The following PLK4 variants were observed in gnomAD, a reference collection of about 807,000 sequenced individuals.
PLK4 encodes the protein serine/threonine-protein kinase PLK4.
A neutral mutation model predicts 103.0 loss-of-function variants in PLK4; 51 were observed. The ratio of observed to expected loss-of-function variants is 0.50; its 90% CI spans 0.40 to 0.63. PLK4 has a LOEUF of 0.63. Among genes scored for constraint, PLK4 ranks in the 20% least tolerant of loss-of-function variants. PLK4 has a pLI of 0.00. For missense variants in PLK4, 1,054 were observed against 1,151.0 expected, an observed-to-expected ratio of 0.92 and a Z score of 1.22; for synonymous variants, 389 against 376.8, an observed-to-expected ratio of 1.03 and a Z score of -0.38.
intron 1 of PLK4, chr4:127,881,489 G>C: frequency 1.0e-6 from 1 of 978,562 alleles, no homozygotes; most frequent in Non-Finnish European, 1.4e-6. Flanking sequence ...AGGGGATGGC[G>C]GTTATCTCCG....
At chr4:127,891,029 A>G (rs1010664266) in intron 7 of PLK4, 63 bp from the exon 8 acceptor site, 3 of 855,514 alleles carry the variant, frequency 3.5e-6, no homozygotes, top group Non-Finnish European at 5.6e-6. Context: ...AGTATTATGT[A>G]TGTCAGAGCT....
chr4:127,881,227 G>A, intron 1 of PLK4, 63 bp downstream of exon 1: 1 of 1,610,810 alleles, frequency 6.2e-7, no homozygotes, highest in Non-Finnish European at 8.5e-7. Context: ...ACACGAGACC[G>A]CTGTGGGAAG....
Position 127,881,240 on chromosome 4 carries a change from G to C in PLK4, c.30+76G>C, listed in dbSNP as rs369972797. 1,519 of 1,607,618 alleles carry C rather than the reference G, an allele frequency of 9.4e-4. 22 individuals carry two copies. In the East Asian group the frequency reaches 0.03, roughly 31 times the overall value. ...GGACACGAGACCGCTGTGGGAAGGGGAGCGAACGAAGCTAACGGCTGCGGG... is the reference window on the plus strand; with the variant it reads ...GGACACGAGACCGCTGTGGGAAGGGCAGCGAACGAAGCTAACGGCTGCGGG... On this transcript the variant is annotated intron_variant, in intron 1 of 15. Coordinates refer to ENST00000270861, the MANE Select transcript of PLK4 (RefSeq NM_014264.5).
At chr4:127,881,678 T>G (rs1734934186) in intron 1 of PLK4, among the ~76,000 whole-genome samples, 153 bp from the exon 2 acceptor site, 1 of 152,154 alleles carries the variant, frequency 6.6e-6, no homozygotes, top group Non-Finnish European at 1.5e-5. Context: ...CAACATGCCT[T>G]CCACCCTAGA....
At chr4:127,885,485 A>G (rs1305793712) in intron 4 of PLK4, among the ~76,000 whole-genome samples, 2 of 151,666 alleles carry the variant, frequency 1.3e-5, no homozygotes, top group African/African-American at 4.8e-5. Context: ...TCTCAAAAAA[A>G]AAAAAAAAAA....
chr4:127,892,555 G>A (rs368769564), intron 10 of PLK4, 41 bp downstream of exon 10: 3 of 1,521,050 alleles, frequency 2.0e-6, no homozygotes, highest in Non-Finnish European at 2.7e-6. Flanking sequence ...CCTTTAGTTT[G>A]TAATTTAGTA....
rs146283398 is a variant in PLK4 at position 127,898,778 on chromosome 4, G to A, written c.*237G>A. ...ACTTTGCTCTTAGACCATAACCCCC[G>A]AACTTACTATGTTCATATATTTGTA... On this transcript the variant is annotated 3_prime_UTR_variant, in exon 16 of 16. Transcript: ENST00000270861. The A allele has an allele frequency of 1.4e-5, 5 of 348,380 alleles. No homozygotes were observed. Among genetic ancestry groups the A allele is most frequent in the African/African-American group, 6.4e-5 (3 of 47,204 alleles). 21.6% of individuals were successfully genotyped at this position (348,380 alleles called of 1,614,324 possible). A position where few individuals can be genotyped will look rare whatever the true frequency, so the allele number is the denominator to read the frequency against.
chr4:127,886,493 A>C lies in PLK4; in HGVS notation c.1123A>C (p.Arg375=). The part of the protein sequence containing the change: ...EERPHSRYLR[R]AYSSDRSGTS... ...AAGGCCACATTCTCGATACCTTCGT[A>C]GAGCTTATTCCTCTGATAGATCTGG... Residue 375 remains arginine (R), a synonymous_variant, in exon 5 of 16, where the codon AGA becomes CGA. Transcript: ENST00000270861. 6.2e-7 allele frequency: 1 copy of C among 1,613,964 alleles called. No individual in the cohort carries two copies. The highest frequency in any genetic ancestry group is 8.5e-7 in the Non-Finnish European group (1 of 1,179,818).
chr4:127,892,184 G>C (rs1286640641), intron 9 of PLK4, 181 bp from the exon 10 acceptor site: 2 of 400,116 alleles, frequency 5.0e-6, no homozygotes, highest in South Asian at 6.1e-5. Flanking sequence ...TCCCAGTTTG[G>C]TTTCTGGATA....
In PLK4 at chr4:127,888,674, G is replaced by T. The variant is rs951098919; in HGVS notation, c.1459+1178G>T. Among the ~76,000 whole-genome samples the T allele has an allele frequency of 2.0e-5, 3 of 152,144 alleles. No homozygotes were observed. In the East Asian group the frequency reaches 5.8e-4, roughly 29 times the overall value. ...GTTGTTTATAATACAGAGTTTGAAG[G>T]TTAAACATTCCTCATTAATGAACAT... On this transcript the variant is annotated intron_variant, in intron 6 of 15. Transcript: ENST00000270861.
chr4:127,893,299 A>C lies in PLK4; in HGVS notation c.2203A>C (p.Lys735Gln). The change falls in exon 11 of 16, where the codon AAA becomes CAA. Residue 735 changes from lysine to glutamine, a missense_variant. Around this residue, in one of 4 missense-constraint regions of PLK4, gnomAD observed 680 missense variants for 660.3 expected, o/e 1.03. Transcript: ENST00000270861. ...VWFYDGVKIH[K>Q]TEDFIQVIEK... is the part of the protein sequence containing the mutation. ...TTTTTTTTTAGGGGTAAAAATACAC[A>C]AAACAGAAGATTTCATTCAGGTGAT... is the stretch of plus-strand genomic sequence containing the variant. 2 of 1,576,632 alleles carry C rather than the reference A, an allele frequency of 1.3e-6. No individual in the cohort carries two copies. The highest frequency in any genetic ancestry group is 1.7e-6 in the Non-Finnish European group (2 of 1,161,988).
At chr4:127,891,470 A>G (rs1735356353) in intron 8 of PLK4, 109 bp from the exon 9 acceptor site, 1 of 466,644 alleles carries the variant, frequency 2.1e-6, no homozygotes. Context: ...ACATTTTTCT[A>G]TAAAATAATA....
At chr4:127,888,844 AGTT>A (rs1735243646) in intron 6 of PLK4, among the ~76,000 whole-genome samples, 3 of 152,166 alleles carry the variant, frequency 2.0e-5, no homozygotes, top group Non-Finnish European at 2.9e-5. Context: ...TTAATCAGAG[AGTT>A]GTATGTTATC....
At position 127,894,989 on chromosome 4, in the gene PLK4, G is replaced by C. The variant is rs759788230; in HGVS notation, c.2599G>C (p.Ala867Pro). 1.4e-5 allele frequency: 23 copies of C among 1,605,742 alleles called. No individual in the cohort carries two copies. The highest frequency in any genetic ancestry group is 1.9e-5 in the Non-Finnish European group (22 of 1,173,810). ...TNEGLGLTTTASGTDISSNSL... is the reference protein window; with the variant it reads ...TNEGLGLTTTPSGTDISSNSL... Reference sequence around the variant, plus strand: ...TGAAGGACTTGGTCTTACAACTACAGCTTCTGGAACAGACATCTCTTCTAA... The same window carrying C: ...TGAAGGACTTGGTCTTACAACTACACCTTCTGGAACAGACATCTCTTCTAA... The change falls in exon 14 of 16, where the codon GCT (alanine) becomes CCT (proline). Residue 867 changes from alanine (A) to proline (P), a missense_variant. Around this residue, in one of 4 missense-constraint regions of PLK4, gnomAD observed 167 missense variants for 200.7 expected, o/e 0.83. Transcript: ENST00000270861.
chr4:127,884,703 C>T (rs1735052501), intron 4 of PLK4, among the ~76,000 whole-genome samples: 1 of 152,112 alleles, frequency 6.6e-6, no homozygotes, highest in African/African-American at 2.4e-5. Context: ...ACTTGGGAGG[C>T]TGAGGTGGAT....
intron 7 of PLK4, chr4:127,890,866 A>G (rs1436598213): frequency 3.0e-6 from 1 of 333,314 alleles, no homozygotes; most frequent in Non-Finnish European, 5.4e-6. Context: ...CTTTCTGCTC[A>G]TTGATTATCA....
In PLK4 at chr4:127,880,912, C is replaced by A; in HGVS notation, c.-223C>A. 1 of 581,128 alleles carries A rather than the reference C, an allele frequency of 1.7e-6. No individual in the cohort carries two copies. The highest frequency in any genetic ancestry group is 3.1e-6 in the Non-Finnish European group (1 of 325,922). The allele number at this position is 581,128 out of a possible 1,614,324, so 36.0% of individuals were successfully genotyped here. ...TACGTCACCACCAGCCTAGCTCGGA[C>A]GGCAAGCGGCGGGAGATTTTCAAAA... On this transcript the variant is annotated 5_prime_UTR_variant, in exon 1 of 16. Coordinates refer to ENST00000270861, the MANE Select transcript of PLK4 (RefSeq NM_014264.5).
chr4:127,892,635 A>G (rs1735405257), intron 10 of PLK4, 121 bp downstream of exon 10: 4 of 695,002 alleles, frequency 5.8e-6, no homozygotes, highest in Non-Finnish European at 9.6e-6. Context: ...ATAACTATAC[A>G]TATAAATTGC....
chr4:127,894,906 A>G (rs1425618900), intron 13 of PLK4, 47 bp from the exon 14 acceptor site: 3 of 1,305,722 alleles, frequency 2.3e-6, no homozygotes, highest in South Asian at 1.8e-5. Context: ...AATGTGGCTT[A>G]TAAAAATGCT....
Sources: gnomAD v4.1 joint callset for allele counts (sites outside exome capture counted in the v4.1 genomes callset) on GRCh38, gnomAD v4.1.1 for gene constraint, gnomAD v4.1.1 regional missense constraint, MANE v1.5 for transcripts, NCBI Gene and HGNC (gene_info 2026-07-23, HGNC 2026-07-21) for gene names.